Variants in DNAJB1 observed in about 807,000 individuals in gnomAD.
DNAJB1 encodes the protein dnaJ homolog subfamily B member 1.
A neutral mutation model predicts 24.0 loss-of-function variants in DNAJB1; 14 were observed. That is an observed-to-expected ratio of 0.58 (90% CI 0.39 to 0.91). The LOEUF is 0.91. DNAJB1 is among the 40% of genes least tolerant of loss of function. The probability of loss-of-function intolerance (pLI) is 0.00; values close to 1 mark genes in which losing one functional copy is unlikely to be tolerated. For missense variants in DNAJB1, 517 were observed against 458.1 expected (o/e 1.13, Z -1.17); for synonymous variants, 262 against 174.4 (o/e 1.50, Z -3.96).
At chr19:14,541,580 G>A (rs1016706051) in intron 1 of DNAJB1, among the ~76,000 whole-genome samples, 3 of 152,098 alleles carry the variant, frequency 2.0e-5, no homozygotes, top group Non-Finnish European at 2.9e-5. Context: ...CACATTCTCT[G>A]TCCTCAAGAT....
exon 1 of DNAJB1, among the ~76,000 whole-genome samples, chr19:14,560,115 C>G (rs544541779): frequency 6.6e-6 from 1 of 152,316 alleles, no homozygotes; most frequent in South Asian, 2.1e-4. Context: ...TGGCCCCTCT[C>G]TCGCTACCCC....
upstream of DNAJB1, among the ~76,000 whole-genome samples, chr19:14,534,591 A>G (rs1298521796): frequency 6.6e-6 from 1 of 151,764 alleles, no homozygotes; most frequent in African/African-American, 2.4e-5. Context: ...GGGTGCCACC[A>G]TGCCCGGCTA....
In DNAJB1 at chr19:14,516,911, A is replaced by G. The variant is rs761928598; in HGVS notation, c.347T>C (p.Phe116Ser). ...GCCTTCCTCCCCGTTCCGCTGCCCA[A>G]AAAAGGTGTCAAAGGGATTTCTGCC... is the stretch of plus-strand genomic sequence containing the variant. ...FGGRNPFDTF[F>S]GQRNGEEGMD... Residue 116 changes from phenylalanine to serine, a missense_variant, in exon 2 of 3, where the codon TTT becomes TCT. Physicochemically the swap from Phe to Ser is radical, Grantham distance 155. Transcript: ENST00000254322. 6.2e-7 allele frequency: 1 copy of G among 1,614,118 alleles called. No individual in the cohort carries two copies. Among genetic ancestry groups the G allele is most frequent in the South Asian group, 1.1e-5 (1 of 91,078 alleles).
chr19:14,558,245 G>A (rs1013436290), intron 1 of DNAJB1, among the ~76,000 whole-genome samples: 2 of 152,146 alleles, frequency 1.3e-5, no homozygotes, highest in African/African-American at 4.8e-5. Flanking sequence ...CCAGGCGGGC[G>A]GGTTCCCAGG....
At chr19:14,551,912 C>CCCCT (rs1181039456), upstream of DNAJB1, among the ~76,000 whole-genome samples, 43 of 124,590 alleles carry the variant, frequency 3.5e-4, no homozygotes, top group East Asian at 9.4e-3. Context: ...TCTCTCTCTC[C>CCCCT]CCCTCCCTCC....
intron 1 of DNAJB1, among the ~76,000 whole-genome samples, chr19:14,536,157 C>A (rs572744699): frequency 9.9e-5 from 15 of 152,222 alleles, no homozygotes; most frequent in South Asian, 6.2e-4. Context: ...GATACTCTTC[C>A]TGGGAAGGTG....
At chr19:14,545,263 C>G (rs189032961) in intron 1 of DNAJB1, 1 of 453,692 alleles carries the variant, frequency 2.2e-6, no homozygotes, top group African/African-American at 2.0e-5. Context: ...TTCCAGCCTC[C>G]GGGTGTCACC....
chr19:14,556,406 C>T (rs908151814), intron 1 of DNAJB1, among the ~76,000 whole-genome samples: 1 of 60,198 alleles, frequency 1.7e-5, no homozygotes, highest in Non-Finnish European at 3.5e-5. Context: ...GCGAGACTCT[C>T]TCAAAAAAAA....
chr19:14,555,438 CTTTT>C (rs747503834), intron 1 of DNAJB1, among the ~76,000 whole-genome samples: 2 of 92,900 alleles, frequency 2.2e-5, no homozygotes, highest in South Asian at 3.6e-4. Context: ...TTTATTTATT[CTTTT>C]TTTTTTTTTT....
At chr19:14,543,397 A>ATATATATAT in intron 1 of DNAJB1, among the ~76,000 whole-genome samples, 1 of 6,728 alleles carries the variant, frequency 1.5e-4, no homozygotes, top group African/African-American at 5.5e-4. Context: ...GAATATATAT[A>ATATATATAT]TATATATATA....
chr19:14,555,227 C>T (rs572243988), upstream of DNAJB1, among the ~76,000 whole-genome samples: 8 of 151,568 alleles, frequency 5.3e-5, no homozygotes, highest in Admixed American at 4.6e-4. Context: ...ACCATAGGTG[C>T]GAGTCACCAC....
chr19:14,532,752 A>T (rs968116564), upstream of DNAJB1, among the ~76,000 whole-genome samples: 3 of 152,178 alleles, frequency 2.0e-5, no homozygotes, highest in African/African-American at 7.2e-5. Context: ...GGTCAGTAAA[A>T]ATAGAAAGGA....
At chr19:14,542,353 T>TTTTTTTTTTG (rs2073128811) in intron 1 of DNAJB1, among the ~76,000 whole-genome samples, 1 of 77,838 alleles carries the variant, frequency 1.3e-5, no homozygotes, top group African/African-American at 5.1e-5. Context: ...TAGTGTTTTT[T>TTTTTTTTTTG]TTTTTTTTTT....
At position 14,518,287 on chromosome 19, in the gene DNAJB1, C is replaced by T; in HGVS notation, c.63G>A (p.Lys21=). The T allele has an allele frequency of 1.2e-6, 2 of 1,610,178 alleles. No homozygotes were observed. Among genetic ancestry groups the T allele is most frequent in the Non-Finnish European group, 8.5e-7 (1 of 1,179,198 alleles). ...LARGASDEEI[K]RAYRRQALRY... ...GCAGCGCCTGGCGGCGGTAGGCCCG[C>T]TTGATCTCCTCGTCCGACGCGCCGC... Residue 21 remains lysine (K), a synonymous_variant, in exon 1 of 3, where the codon AAG becomes AAA. Transcript: ENST00000254322.
intron 1 of DNAJB1, among the ~76,000 whole-genome samples, chr19:14,547,602 T>C (rs2073348621): frequency 6.6e-6 from 1 of 152,032 alleles, no homozygotes; most frequent in Non-Finnish European, 1.5e-5. Flanking sequence ...CCTCAGGTAA[T>C]CCACCTGCCT....
chr19:14,544,507 A>G (rs1005205557), intron 1 of DNAJB1, among the ~76,000 whole-genome samples: 3 of 151,962 alleles, frequency 2.0e-5, no homozygotes, highest in East Asian at 1.9e-4. Flanking sequence ...CGGCCATTCT[A>G]TGGGACTGGC....
chr19:14,554,195 C>T (rs2073639024), upstream of DNAJB1, among the ~76,000 whole-genome samples: 2 of 152,162 alleles, frequency 1.3e-5, no homozygotes, highest in African/African-American at 4.8e-5. Flanking sequence ...GCTAATGGCT[C>T]CTGCTCCCTC....
upstream of DNAJB1, chr19:14,518,561 G>GCCGCCCGCGCGGGGCCACGCCC (rs1249490907): frequency 2.6e-6 from 1 of 380,286 alleles, no homozygotes; most frequent in African/African-American, 2.1e-5. Flanking sequence ...GCCGTCAACG[G>GCCGCCCGCGCGGGGCCACGCCC]CCGCCCGCGC....
At chr19:14,517,365 T>C (rs533586071) in intron 1 of DNAJB1, 2 of 294,036 alleles carry the variant, frequency 6.8e-6, no homozygotes, top group Admixed American at 9.2e-5. Flanking sequence ...TAAAGACACA[T>C]GGTCCAGGGT....
Sources: gnomAD v4.1 joint callset for allele counts (sites outside exome capture counted in the v4.1 genomes callset) on GRCh38, gnomAD v4.1.1 for gene constraint, MANE v1.5 for transcripts, NCBI Gene and HGNC (gene_info 2026-07-23, HGNC 2026-07-21) for gene names.